The following SFRP1 variants were observed in gnomAD, a reference collection of about 807,000 sequenced individuals.
SFRP1 encodes the protein secreted frizzled-related protein 1.
A neutral mutation model predicts 25.9 loss-of-function variants in SFRP1; 9 were observed. That is an observed-to-expected ratio of 0.35 (90% CI 0.21 to 0.61). The LOEUF (loss-of-function observed/expected upper bound fraction) is 0.61. Among genes scored for constraint, SFRP1 ranks in the 20% least tolerant of loss-of-function variants. The pLI is 0.78. For missense variants in SFRP1, 346 were observed against 418.2 expected, an observed-to-expected ratio of 0.83 and a Z score of 1.51; for synonymous variants, 178 against 174.0, an observed-to-expected ratio of 1.02 and a Z score of -0.18.
In SFRP1 at chr8:41,303,239, C is replaced by T. The variant is rs546200472; in HGVS notation, c.622+222G>A. 2.0e-5 allele frequency among the ~76,000 whole-genome samples: 3 copies of T among 151,950 alleles called. No homozygotes were observed. In the South Asian group the frequency reaches 6.3e-4, roughly 32 times the overall value. ...AGAAGATGCCCAAAAATCTGTCCAG[C>T]GATCCCCCACAAAGGAGGGCAAAGT... On this transcript the variant is annotated intron_variant, in intron 2 of 2. Transcript: ENST00000220772.
intron 2 of SFRP1, chr8:41,298,159 G>T (rs769663100): frequency 6.6e-6 from 1 of 152,138 alleles, no homozygotes; most frequent in East Asian, 1.9e-4. Flanking sequence ...AGTGGTACAG[G>T]GGCTTGCTTC....
intron 2 of SFRP1, among the ~76,000 whole-genome samples, chr8:41,277,812 T>C (rs1226236822): frequency 6.6e-6 from 1 of 152,188 alleles, no homozygotes; most frequent in Non-Finnish European, 1.5e-5. Flanking sequence ...TGTCTCACTA[T>C]GTTTCCAAGG....
chr8:41,292,908 A>G (rs1470888224), intron 2 of SFRP1, among the ~76,000 whole-genome samples: 1 of 152,226 alleles, frequency 6.6e-6, no homozygotes, highest in Non-Finnish European at 1.5e-5. Flanking sequence ...GCCGGCTGGC[A>G]TTTGGCACTG....
intron 2 of SFRP1, among the ~76,000 whole-genome samples, chr8:41,302,880 G>A (rs1803942586): frequency 6.6e-6 from 1 of 151,736 alleles, no homozygotes; most frequent in Non-Finnish European, 1.5e-5. Flanking sequence ...GGGAAGAAGA[G>A]AGAAAAACCA....
intron 2 of SFRP1, among the ~76,000 whole-genome samples, chr8:41,269,894 G>A (rs1043959579): frequency 6.6e-6 from 1 of 152,164 alleles, no homozygotes; most frequent in Non-Finnish European, 1.5e-5. Flanking sequence ...ACTAGAGAGC[G>A]CCTTCGTCAG....
At chr8:41,306,768 C>T (rs1304103407) in intron 1 of SFRP1, 11 of 1,598,100 alleles carry the variant, frequency 6.9e-6, no homozygotes, top group Non-Finnish European at 9.3e-6. Flanking sequence ...CGGTTCCAAG[C>T]CAGGCTGAGA....
rs1308857114 is a variant in SFRP1, at chr8:41,262,684, C to T, written c.*2483G>A. 2.6e-5 allele frequency: 4 copies of T among 152,186 alleles called. No individual in the cohort carries two copies. Among genetic ancestry groups the T allele is most frequent in the Non-Finnish European group, 4.4e-5 (3 of 68,046 alleles). The allele number at this position is 152,186 out of a possible 1,614,324, so 9.4% of individuals were successfully genotyped here. A position where few individuals can be genotyped will look rare whatever the true frequency, so the allele number is the denominator to read the frequency against. On this transcript the variant is annotated 3_prime_UTR_variant, in exon 3 of 3. Coordinates refer to ENST00000220772, the MANE Select transcript of SFRP1 (RefSeq NM_003012.5). ...GGCCCTAGCGATAATTAGGAAATCA[C>T]AGGCAAACCTCCTCTCTCGGAGACC...
At chr8:41,275,509 GTT>G (rs34725036) in intron 2 of SFRP1, among the ~76,000 whole-genome samples, 1 of 143,178 alleles carries the variant, frequency 7.0e-6, no homozygotes, top group Non-Finnish European at 1.5e-5. Context: ...AACTCTTTTT[GTT>G]TTTTTTTTTT....
intron 2 of SFRP1, among the ~76,000 whole-genome samples, chr8:41,284,555 C>T (rs748323444): frequency 7.2e-5 from 11 of 152,192 alleles, no homozygotes; most frequent in African/African-American, 1.4e-4. Context: ...CAAATACCCA[C>T]GGACCTCCAG....
At chr8:41,304,081 C>G (rs1166527537) in intron 1 of SFRP1, among the ~76,000 whole-genome samples, 1 of 152,272 alleles carries the variant, frequency 6.6e-6, no homozygotes. Context: ...AAAGGGCCAC[C>G]GCAGCAGGAG....
At chr8:41,274,650 T>C (rs1393032304) in intron 2 of SFRP1, among the ~76,000 whole-genome samples, 1 of 152,218 alleles carries the variant, frequency 6.6e-6, no homozygotes, top group Non-Finnish European at 1.5e-5. Context: ...GTTTGCTGAA[T>C]ATGAAGAAAT....
In SFRP1 at chr8:41,308,866, C is replaced by T. The variant is rs1563369316; in HGVS notation, c.294G>A (p.Val98=). 3 of 1,610,392 alleles carry T rather than the reference C, an allele frequency of 1.9e-6. No individual in the cohort carries two copies. The highest frequency in any genetic ancestry group is 2.5e-6 in the Non-Finnish European group (3 of 1,179,602). ...CGTGGCAGTTCTTGTTGAGCAGGGG[C>T]ACCCAGCTGCTGGCCTGCTGCTTCA... ...AEVKQQASSW[V]PLLNKNCHAG... Residue 98 remains valine (V), a synonymous_variant, in exon 1 of 3, where the codon GTG becomes GTA. Transcript: ENST00000220772.
intron 2 of SFRP1, among the ~76,000 whole-genome samples, chr8:41,274,581 G>A (rs1402592272): frequency 1.3e-5 from 2 of 151,998 alleles, no homozygotes; most frequent in South Asian, 2.1e-4. Flanking sequence ...AATCAATAAA[G>A]AACATCTAAA....
At position 41,294,129 on chromosome 8, in the gene SFRP1, G is replaced by A. The variant is rs541647546; in HGVS notation, c.622+9332C>T. ...AGTGGAAGGCGCCCAGACTGTCTAT[G>A]AGCCTGAGAGGTGAGCACAGCGGGC... On this transcript the variant is annotated intron_variant, in intron 2 of 2. Coordinates refer to ENST00000220772, the MANE Select transcript of SFRP1 (RefSeq NM_003012.5). Among the ~76,000 whole-genome samples the A allele has an allele frequency of 9.9e-5, 15 of 152,284 alleles. No homozygotes were observed. In the East Asian group the frequency reaches 2.7e-3, roughly 27 times the overall value.
chr8:41,282,927 G>C (rs1803653618), intron 2 of SFRP1, among the ~76,000 whole-genome samples: 1 of 152,096 alleles, frequency 6.6e-6, no homozygotes, highest in Non-Finnish European at 1.5e-5. Flanking sequence ...TCCAGCTTTA[G>C]AAATTTTGAT....
chr8:41,275,149 C>A, intron 2 of SFRP1: 1 of 446,168 alleles, frequency 2.2e-6, no homozygotes, highest in South Asian at 1.6e-5. Flanking sequence ...CTGGTTCAAC[C>A]GATGCTCAAA....
At chr8:41,306,935 T>G in intron 1 of SFRP1, 1 of 1,546,184 alleles carries the variant, frequency 6.5e-7, no homozygotes, top group Non-Finnish European at 8.7e-7. Flanking sequence ...CCATGTTCCC[T>G]GTGGACTGCA....
At chr8:41,297,917 C>T (rs1803864342) in intron 2 of SFRP1, among the ~76,000 whole-genome samples, 2 of 152,168 alleles carry the variant, frequency 1.3e-5, no homozygotes, top group Non-Finnish European at 2.9e-5. Context: ...CCTCAACTAC[C>T]TTCCTGCTTG....
rs1326077718 is a variant in SFRP1 at position 41,264,582 on chromosome 8, C to T, written c.*585G>A. ...GAAGGCAATGCCTCTCCCCTGGTCC[C>T]TTTGCTGTCACTATTACATAATGGA... On this transcript the variant is annotated 3_prime_UTR_variant, in exon 3 of 3. Coordinates refer to ENST00000220772, the MANE Select transcript of SFRP1 (RefSeq NM_003012.5). 1 of 152,476 alleles carries T rather than the reference C, an allele frequency of 6.6e-6. No individual in the cohort carries two copies. Among genetic ancestry groups the T allele is most frequent in the Non-Finnish European group, 1.5e-5 (1 of 68,254 alleles). The allele number at this position is 152,476 out of a possible 1,614,324, so 9.4% of individuals were successfully genotyped here.
Sources: gnomAD v4.1 joint callset for allele counts (sites outside exome capture counted in the v4.1 genomes callset) on GRCh38, gnomAD v4.1.1 for gene constraint, MANE v1.5 for transcripts, NCBI Gene and HGNC (gene_info 2026-07-23, HGNC 2026-07-21) for gene names.